Variants in BCL9L observed in about 807,000 individuals in gnomAD.
The protein encoded by BCL9L is BCL9 like.
In BCL9L, 19 loss-of-function variants were observed where a neutral mutation model predicts 99.4. The observed-to-expected ratio is 0.19, with a 90% confidence interval of 0.13 to 0.28. BCL9L has a LOEUF of 0.28. Ranked by LOEUF, BCL9L falls within the 10% of genes least tolerant of loss-of-function variation. BCL9L has a pLI of 1.00. For missense variants in BCL9L, 2,023 were observed against 2,101.6 expected (o/e 0.96, Z 0.73); for synonymous variants, 900 against 854.8 (o/e 1.05, Z -0.92).
At position 118,898,074 on chromosome 11, in the gene BCL9L, C is replaced by G. The variant is rs569136691; in HGVS notation, c.*341G>C. 12 of 461,634 alleles carry G rather than the reference C, an allele frequency of 2.6e-5. No individual in the cohort carries two copies. The highest frequency in any genetic ancestry group is 4.4e-5 in the Non-Finnish European group (11 of 248,906). 28.6% of individuals were successfully genotyped at this position (461,634 alleles called of 1,614,324 possible). ...TCCTCTCTCCCCCCAGATTCCCATC[C>G]AGGACTCCAAAAGCATAGCTGAAGG... is the stretch of plus-strand genomic sequence containing the variant. On this transcript the variant is annotated 3_prime_UTR_variant, in exon 10 of 10. Coordinates refer to ENST00000683865, the MANE Select transcript of BCL9L (RefSeq NM_001378213.1).
In BCL9L at chr11:118,903,111, G is replaced by A. The variant is rs370559615; in HGVS notation, c.750-37C>T. 140 of 1,551,170 alleles carry A rather than the reference G, an allele frequency of 9.0e-5. No homozygotes were observed. Among genetic ancestry groups the A allele is most frequent in the Middle Eastern group, 5.5e-4 (3 of 5,422 alleles). On this transcript the variant is annotated intron_variant, in intron 6 of 9. Coordinates refer to ENST00000683865, the MANE Select transcript of BCL9L (RefSeq NM_001378213.1). This position sits in a 1 kb window ranked among gnomAD's most constrained non-coding sequence, Gnocchi z 5.6. The stretch of plus-strand genomic sequence containing the variant: ...GGGGGCACCGACAGCTCAGAGAGGT[G>A]AGCAGGAGGGAGCCCCACCCTCACC...
Position 118,898,240 on chromosome 11 carries a change from T to A in BCL9L, c.*175A>T, listed in dbSNP as rs1175476121. ...AAAATCCCCCACCCCACACTGCCAC[T>A]TCCCCCTAAGCTGCCAGCACATCTG... On this transcript the variant is annotated 3_prime_UTR_variant, in exon 10 of 10. Coordinates refer to ENST00000683865, the MANE Select transcript of BCL9L (RefSeq NM_001378213.1). 4 of 925,172 alleles carry A rather than the reference T, an allele frequency of 4.3e-6. No individual in the cohort carries two copies. Among genetic ancestry groups the A allele is most frequent in the Non-Finnish European group, 4.7e-6 (3 of 637,740 alleles). 57.3% of individuals were successfully genotyped at this position (925,172 alleles called of 1,614,324 possible). A position where few individuals can be genotyped will look rare whatever the true frequency, so the allele number is the denominator to read the frequency against.
chr11:118,910,994 G>C (rs1203998340), intron 2 of BCL9L: 1 of 282,844 alleles, frequency 3.5e-6, no homozygotes, highest in Non-Finnish European at 7.2e-6. Context: ...GCAGACACCG[G>C]GGCTGCCCGA....
Position 118,899,961 on chromosome 11 carries a change from C to T in BCL9L, c.3362G>A (p.Arg1121Gln), listed in dbSNP as rs764397285. ...ATSDDELLPD[R>Q]PLLPPPPPPQ... is the part of the protein sequence containing the mutation. Reference sequence around the variant, plus strand: ...TGGTGGTGGGGGGGGCAGCAGGGGCCGGTCGGGCAGCAGCTCGTCGTCTGA... The same window carrying T: ...TGGTGGTGGGGGGGGCAGCAGGGGCTGGTCGGGCAGCAGCTCGTCGTCTGA... Residue 1121 changes from arginine (R) to glutamine (Q), a missense_variant, in exon 9 of 10, where the codon CGG becomes CAG. Around this residue, in one of 3 missense-constraint regions of BCL9L, gnomAD observed 902 missense variants for 888.2 expected, o/e 1.02. Transcript: ENST00000683865. The T allele has an allele frequency of 8.1e-6, 13 of 1,613,636 alleles. No individual in the cohort carries two copies. The highest frequency in any genetic ancestry group is 1.6e-4 in the Middle Eastern group (1 of 6,066).
In BCL9L at chr11:118,903,479, G is replaced by T. The variant is rs966508014; in HGVS notation, c.533-27C>A. 10 of 1,609,054 alleles carry T rather than the reference G, an allele frequency of 6.2e-6. No individual in the cohort carries two copies. The highest frequency in any genetic ancestry group is 1.7e-4 in the Middle Eastern group (1 of 5,936). ...TGCAGGAGAGAGGACAGGGAAAGGG[G>T]CTAAGTGGTCTAGATACAAGAAGGA... is the stretch of plus-strand genomic sequence containing the variant. On this transcript the variant is annotated intron_variant, in intron 5 of 9. Transcript: ENST00000683865. The surrounding 1 kb of genome is among the most constrained non-coding windows in gnomAD (Gnocchi z 5.6).
rs1306826856 is a variant in BCL9L, at chr11:118,896,853, C to T, written c.*1562G>A. The T allele has an allele frequency of 1.3e-5, 2 of 152,808 alleles. No homozygotes were observed. The highest frequency in any genetic ancestry group is 4.8e-5 in the African/African-American group (2 of 41,476). The allele number at this position is 152,808 out of a possible 1,614,324, so 9.5% of individuals were successfully genotyped here. On this transcript the variant is annotated 3_prime_UTR_variant, in exon 10 of 10. Coordinates refer to ENST00000683865, the MANE Select transcript of BCL9L (RefSeq NM_001378213.1). ...AGCCAGGGAACTGCCCTGCCACCTC[C>T]CGAGGCAGGAAAGGAAGTGAGAAAA...
rs1940286657 is a variant in BCL9L at position 118,902,294 on chromosome 11, C to T, written c.1449G>A (p.Pro483=). ...ISQTQSLGGP[P]LEHEVPGHPP... ...GGTGCCCAGGCACTTCATGCTCCAG[C>T]GGGGGGCCCCCTAGGCTCTGTGTCT... Residue 483 remains proline, a synonymous_variant, in exon 8 of 10, where the codon CCG becomes CCA. Coordinates refer to ENST00000683865, the MANE Select transcript of BCL9L (RefSeq NM_001378213.1). This position sits in a 1 kb window ranked among gnomAD's most constrained non-coding sequence, Gnocchi z 7.8. 4 of 1,556,718 alleles carry T rather than the reference C, an allele frequency of 2.6e-6. No individual in the cohort carries two copies. Among genetic ancestry groups the T allele is most frequent in the Middle Eastern group, 1.7e-4 (1 of 5,820 alleles).
Position 118,898,764 on chromosome 11 carries a change from T to C in BCL9L, c.4151A>G (p.Gln1384Arg), listed in dbSNP as rs528017040. 55 of 1,613,772 alleles carry C rather than the reference T, an allele frequency of 3.4e-5. 1 individual carries two copies. The South Asian group carries it at 6.0e-4, about 18-fold the overall frequency. The change falls in exon 10 of 10, where the codon CAG becomes CGG. Residue 1384 changes from glutamine (Q) to arginine (R), a missense_variant. Transcript: ENST00000683865. ...GCACATGGACATGTTGAGCCCCCGC[T>C]GGACGCCCTGCTGGCCTGGGAGGTT... Reference protein sequence around the residue: ...PPNLPGQQGVQRGLNMSMCHP... With the variant: ...PPNLPGQQGVRRGLNMSMCHP...
chr11:118,900,738 A>C lies in BCL9L; in HGVS notation c.3005T>G (p.Val1002Gly). Residue 1002 changes from valine to glycine, a missense_variant, in exon 8 of 10, where the codon GTG (valine) becomes GGG (glycine). Coordinates refer to ENST00000683865, the MANE Select transcript of BCL9L (RefSeq NM_001378213.1). The surrounding 1 kb of genome is among the most constrained non-coding windows in gnomAD (Gnocchi z 5.3). ...PSRLKSPSMA[V>G]PSPGWVASPK... Reference sequence around the variant, plus strand: ...TGAGGCAACCCAGCCTGGAGAAGGCACCGCCATGGAAGGAGACTTGAGCCT... The same window carrying C: ...TGAGGCAACCCAGCCTGGAGAAGGCCCCGCCATGGAAGGAGACTTGAGCCT... The C allele has an allele frequency of 1.2e-6, 2 of 1,613,764 alleles. No individual in the cohort carries two copies. Among genetic ancestry groups the C allele is most frequent in the Non-Finnish European group, 1.7e-6 (2 of 1,179,992 alleles).
chr11:118,911,946 T>C (rs566472254), intron 2 of BCL9L, among the ~76,000 whole-genome samples: 1 of 152,278 alleles, frequency 6.6e-6, no homozygotes, highest in Admixed American at 6.5e-5. Flanking sequence ...TATTAGAAAA[T>C]CAGTCCTCTC....
At chr11:118,904,457 T>A (rs2137706461) in intron 5 of BCL9L, among the ~76,000 whole-genome samples, 1 of 151,744 alleles carries the variant, frequency 6.6e-6, no homozygotes, top group East Asian at 1.9e-4. Context: ...AATAAATAAA[T>A]AAAAATAAGA....
rs371610532 is a variant in BCL9L, at chr11:118,899,924, G to A, written c.3399C>T (p.Ser1133=). The change falls in exon 9 of 10, where the codon TCC becomes TCT. Residue 1133 remains serine (S), a synonymous_variant. Transcript: ENST00000683865. ...CCTGGCCTGTCCTCGCACCTGGCCC[G>A]GAGCCCTGCGGTGGTGGTGGGGGGG... ...LLPPPPPPQG[S]GPGISNSQPS... is the part of the protein sequence containing the mutation. The A allele has an allele frequency of 2.2e-5, 36 of 1,612,340 alleles. No individual in the cohort carries two copies. Among genetic ancestry groups the A allele is most frequent in the South Asian group, 3.3e-5 (3 of 90,994 alleles).
Position 118,902,082 on chromosome 11 carries a change from C to CCCCCCATGCCCATCATGT in BCL9L, c.1643_1660dup (p.Asp548_Gly553dup). 6.2e-7 allele frequency: 1 copy of CCCCCCATGCCCATCATGT among 1,613,668 alleles called. No individual in the cohort carries two copies. The highest frequency in any genetic ancestry group is 1.3e-5 in the African/African-American group (1 of 74,838). On this transcript the variant is annotated inframe_insertion, in exon 8 of 10. Coordinates refer to ENST00000683865, the MANE Select transcript of BCL9L (RefSeq NM_001378213.1). The surrounding 1 kb of genome is among the most constrained non-coding windows in gnomAD (Gnocchi z 7.8). Reference sequence around the variant, plus strand: ...AGGCGGGGGCCCCCTCACCATCATGCCCCCCATGCCCATCATGTCCTGCAG... The same window carrying CCCCCCATGCCCATCATGT: ...AGGCGGGGGCCCCCTCACCATCATGCCCCCCATGCCCATCATGTCCCCCATGCCCATCATGTCCTGCAG...
chr11:118,901,830 C>A lies in BCL9L; in HGVS notation c.1913G>T (p.Gly638Val), dbSNP rs1474901881. ...AMQRPVRPGM[G>V]WTEDLPPMGG... ...CATAGGGGGCAAGTCTTCGGTCCAGCCCATGCCTGGTCTCACGGGCCTCTG... is the reference window on the plus strand; with the variant it reads ...CATAGGGGGCAAGTCTTCGGTCCAGACCATGCCTGGTCTCACGGGCCTCTG... Residue 638 changes from glycine to valine, a missense_variant, in exon 8 of 10, where the codon GGC (glycine) becomes GTC (valine). This residue lies in a region of BCL9L where 1,116 missense variants were observed against 1,194.6 expected (regional missense o/e 0.93). Transcript: ENST00000683865. The surrounding 1 kb of genome is among the most constrained non-coding windows in gnomAD (Gnocchi z 6.6). 16 of 1,610,312 alleles carry A rather than the reference C, an allele frequency of 9.9e-6. No individual in the cohort carries two copies. The highest frequency in any genetic ancestry group is 1.3e-5 in the Non-Finnish European group (15 of 1,176,950).
At position 118,898,717 on chromosome 11, in the gene BCL9L, G is replaced by A; in HGVS notation, c.4198C>T (p.Leu1400=). 1 of 1,612,784 alleles carries A rather than the reference G, an allele frequency of 6.2e-7. No homozygotes were observed. The highest frequency in any genetic ancestry group is 8.5e-7 in the Non-Finnish European group (1 of 1,179,622). Residue 1400 remains leucine, a synonymous_variant, in exon 10 of 10, where the codon CTG becomes TTG. Coordinates refer to ENST00000683865, the MANE Select transcript of BCL9L (RefSeq NM_001378213.1). ...SMCHPGQMSL[L]GRTGVPPQQG... ...TGTGGGGGCACGCCTGTCCTGCCCA[G>A]CAAGGACATCTGTCCAGGGTGGCAC...
chr11:118,923,954 G>A (rs1028619600), intron 1 of BCL9L, among the ~76,000 whole-genome samples: 3 of 152,226 alleles, frequency 2.0e-5, no homozygotes, highest in Non-Finnish European at 4.4e-5. Flanking sequence ...CAGGGCCTGA[G>A]CATGCTCCTC....
At chr11:118,911,121 A>G (rs1383959604) in intron 2 of BCL9L, 10 of 413,766 alleles carry the variant, frequency 2.4e-5, no homozygotes, top group Non-Finnish European at 4.9e-6. Context: ...GGCCATAGAT[A>G]CAGCAACAGA....
Position 118,903,394 on chromosome 11 carries a change from G to C in BCL9L, c.591C>G (p.Thr197=), listed in dbSNP as rs1263029300. The change falls in exon 6 of 10, where the codon ACC becomes ACG. Residue 197 remains threonine, a synonymous_variant. Coordinates refer to ENST00000683865, the MANE Select transcript of BCL9L (RefSeq NM_001378213.1). This position sits in a 1 kb window ranked among gnomAD's most constrained non-coding sequence, Gnocchi z 5.6. The part of the protein sequence containing the change: ...AAPQLGPGQT[T]QLPLSESSVP... The stretch of plus-strand genomic sequence containing the variant: ...CGCTGCTCTCGCTGAGGGGCAGTTG[G>C]GTGGTTTGGCCGGGACCCAGCTGTG... The C allele has an allele frequency of 5.6e-6, 9 of 1,612,200 alleles. No homozygotes were observed. The highest frequency in any genetic ancestry group is 7.6e-6 in the Non-Finnish European group (9 of 1,179,360).
chr11:118,906,218 C>CAG (rs1290260932), intron 5 of BCL9L, among the ~76,000 whole-genome samples: 1 of 152,158 alleles, frequency 6.6e-6, no homozygotes, highest in Non-Finnish European at 1.5e-5. Flanking sequence ...ATAAAACTCA[C>CAG]AAAGTTTCTA....
Sources: allele counts gnomAD v4.1 joint callset (sites outside exome capture counted in the v4.1 genomes callset), GRCh38; gene constraint gnomAD v4.1.1; regional missense constraint gnomAD v4.1.1; non-coding constraint Gnocchi (gnomAD v3.1); transcripts MANE v1.5; gene names NCBI Gene and HGNC (gene_info 2026-07-23, HGNC 2026-07-21).